Variants in STS observed in about 807,000 individuals in gnomAD.
The protein encoded by STS is steryl-sulfatase.
STS carries 7 observed loss-of-function variants against 26.8 expected under a neutral mutation model. The ratio of observed to expected loss-of-function variants is 0.26; its 90% CI spans 0.15 to 0.49. The LOEUF (loss-of-function observed/expected upper bound fraction) is 0.49. STS is among the 20% of genes least tolerant of loss of function. STS has a pLI of 0.98. For missense variants in STS, 434 were observed against 465.6 expected, an observed-to-expected ratio of 0.93 and a Z score of 0.63; for synonymous variants, 199 against 189.4, an observed-to-expected ratio of 1.05 and a Z score of -0.42.
intron 1 of STS, among the ~76,000 whole-genome samples, chrX:7,178,003 G>T (rs1933607374): frequency 9.1e-6 from 1 of 110,375 alleles, no homozygotes; most frequent in Admixed American, 9.7e-5. Flanking sequence ...TGTTGGCTAG[G>T]CTGGTCTTGA....
intron 8 of STS, among the ~76,000 whole-genome samples, chrX:7,324,449 G>T (rs1291693450): frequency 8.9e-6 from 1 of 111,833 alleles, no homozygotes; most frequent in Non-Finnish European, 1.9e-5. Context: ...AAAAGAGAAG[G>T]AGATTGTCTA....
chrX:7,219,618 A>G, intron 2 of STS: 2 of 1,210,742 alleles, frequency 1.7e-6, no homozygotes, highest in Non-Finnish European at 2.2e-6. Context: ...TGAACAAGTG[A>G]AGTTGCAATC....
intron 2 of STS, among the ~76,000 whole-genome samples, chrX:7,205,447 G>T (rs938309667): frequency 6.3e-5 from 7 of 111,541 alleles, no homozygotes; most frequent in Non-Finnish European, 1.3e-4. Flanking sequence ...CTAGCAGCTT[G>T]CTTGGGAGCA....
chrX:7,152,234 G>C (rs762902481), intron 1 of STS, among the ~76,000 whole-genome samples: 1 of 112,099 alleles, frequency 8.9e-6, no homozygotes, highest in Non-Finnish European at 1.9e-5. Context: ...TTACAGGCGT[G>C]AGCCACCACG....
chrX:7,161,122 A>ATTTTTTTTTTTTT (rs62693360), intron 1 of STS, among the ~76,000 whole-genome samples: 1 of 97,817 alleles, frequency 1.0e-5, no homozygotes, highest in Non-Finnish European at 2.1e-5. Flanking sequence ...TGCCTGGCTA[A>ATTTTTTTTTTTTT]TTTTTTTTTT....
chrX:7,210,957 A>ACTT (rs1921012484), intron 2 of STS, among the ~76,000 whole-genome samples: 1 of 111,072 alleles, frequency 9.0e-6, no homozygotes, highest in Non-Finnish European at 1.9e-5. Flanking sequence ...AAATGAAGCT[A>ACTT]CTTAGCATGT....
At chrX:7,172,472 C>A (rs1398447247) in intron 1 of STS, among the ~76,000 whole-genome samples, 1 of 111,425 alleles carries the variant, frequency 9.0e-6, no homozygotes, top group African/African-American at 3.3e-5. Flanking sequence ...CTGTACTTAG[C>A]CCCTTAAGAC....
At chrX:7,259,251 G>T in intron 5 of STS, 98 bp from the exon 6 acceptor site, 1 of 916,319 alleles carries the variant, frequency 1.1e-6, no homozygotes, top group Non-Finnish European at 1.6e-6. Context: ...TCATGAAATA[G>T]TCAGAAAGAA....
At chrX:7,155,753 C>T (rs1933119497) in intron 1 of STS, among the ~76,000 whole-genome samples, 1 of 112,013 alleles carries the variant, frequency 8.9e-6, no homozygotes, top group Non-Finnish European at 1.9e-5. Context: ...TGACTTTAAG[C>T]AAAGCCACAT....
Position 7,350,282 on chromosome X carries a change from G to C in STS, c.*21G>C, listed in dbSNP as rs199921654. 2.5e-5 allele frequency: 30 copies of C among 1,198,158 alleles called. No homozygotes were observed. In the African/African-American group the frequency reaches 4.0e-4, roughly 16 times the overall value. On this transcript the variant is annotated 3_prime_UTR_variant, in exon 11 of 11. Coordinates refer to ENST00000674429, the MANE Select transcript of STS (RefSeq NM_001320752.2). Reference sequence around the variant, plus strand: ...GCTAGCAGCGCCTGGGGACCAGACAGACGCATGTGGCAAAGCTCACCATCT... The same window carrying C: ...GCTAGCAGCGCCTGGGGACCAGACACACGCATGTGGCAAAGCTCACCATCT...
At chrX:7,215,072 C>A (rs768376963) in intron 2 of STS, among the ~76,000 whole-genome samples, 2 of 84,342 alleles carry the variant, frequency 2.4e-5, no homozygotes, top group African/African-American at 4.4e-5. Context: ...TATATATACA[C>A]GTATATATGT....
At chrX:7,342,285 G>A (rs754247339) in intron 10 of STS, among the ~76,000 whole-genome samples, 60 of 111,525 alleles carry the variant, frequency 5.4e-4, no homozygotes, top group Non-Finnish European at 9.6e-4. Flanking sequence ...AGGAAGACTG[G>A]TGACTTCCAG....
chrX:7,281,199 AAAAG>A (rs1239891923), intron 7 of STS, among the ~76,000 whole-genome samples: 2 of 111,971 alleles, frequency 1.8e-5, no homozygotes, highest in Non-Finnish European at 3.8e-5. Context: ...GGAAAAAAAA[AAAAG>A]AAAAAACACC....
intron 8 of STS, 128 bp downstream of exon 8, chrX:7,305,311 G>A (rs1926158870): frequency 1.1e-6 from 1 of 878,852 alleles, no homozygotes; most frequent in Admixed American, 2.5e-5. Flanking sequence ...TTGTGTCATG[G>A]AGACAGTCAG....
rs770580942 is a variant in STS at position 7,184,809 on chromosome X, G to T, written c.-133-6071G>T. ...TATTCCTCCCAGTGGGATGCAGGAA[G>T]ACCACAAGTGGTATAATATAGTGCA... On this transcript the variant is annotated intron_variant, in intron 1 of 10. Transcript: ENST00000674429. Among the ~76,000 whole-genome samples, 3 of 112,248 alleles carry T rather than the reference G, an allele frequency of 2.7e-5. No individual in the cohort carries two copies. The South Asian group carries it at 1.1e-3, about 41-fold the overall frequency.
At chrX:7,269,782 C>T (rs750219684) in intron 6 of STS, among the ~76,000 whole-genome samples, 10 of 111,445 alleles carry the variant, frequency 9.0e-5, no homozygotes, top group South Asian at 3.8e-4. Context: ...TTGTTGATAC[C>T]GCTATCTGAT....
chrX:7,309,875 G>A (rs1356066704), intron 8 of STS, among the ~76,000 whole-genome samples: 1 of 111,489 alleles, frequency 9.0e-6, no homozygotes, highest in Non-Finnish European at 1.9e-5. Flanking sequence ...AAGGGAAATT[G>A]GGAAATAAGG....
intron 1 of STS, among the ~76,000 whole-genome samples, chrX:7,180,132 G>A (rs1173623150): frequency 1.8e-5 from 2 of 111,362 alleles, no homozygotes; most frequent in Non-Finnish European, 3.8e-5. Context: ...AGGGGGGATG[G>A]TTTTGGAATG....
In STS at chrX:7,325,392, T is replaced by C; in HGVS notation, c.1135T>C (p.Trp379Arg). Residue 379 changes from tryptophan to arginine, a missense_variant, in exon 9 of 11, where the codon TGG (tryptophan) becomes CGG (arginine). Trp to Arg is a moderately radical substitution (Grantham distance 101, BLOSUM62 -3). Coordinates refer to ENST00000674429, the MANE Select transcript of STS (RefSeq NM_001320752.2). ...TATCCGGGTTCCAGGCATCCTTCGT[T>C]GGCCCAGGGTGATACAGGCTGGCCA... ...GGIRVPGILR[W>R]PRVIQAGQKI... The C allele has an allele frequency of 8.3e-7, 1 of 1,211,324 alleles. No homozygotes were observed. Among genetic ancestry groups the C allele is most frequent in the Non-Finnish European group, 1.1e-6 (1 of 895,248 alleles).
Sources: allele counts gnomAD v4.1 joint callset (sites outside exome capture counted in the v4.1 genomes callset), GRCh38; gene constraint gnomAD v4.1.1; transcripts MANE v1.5; gene names NCBI Gene and HGNC (gene_info 2026-07-23, HGNC 2026-07-21).